Variants in ITPR1 observed in about 807,000 individuals in gnomAD.
ITPR1 encodes inositol 1,4,5-trisphosphate-gated calcium channel ITPR1.
In ITPR1, 96 loss-of-function variants were observed where a neutral mutation model predicts 318.4. The ratio of observed to expected loss-of-function variants is 0.30; its 90% CI spans 0.26 to 0.36. The LOEUF is 0.36. ITPR1 is among the 10% of genes least tolerant of loss of function. ITPR1 has a pLI of 1.00. For missense variants in ITPR1, 2,440 were observed against 3,460.2 expected (o/e 0.71, Z 7.40); for synonymous variants, 1,312 against 1,289.9 (o/e 1.02, Z -0.37).
intron 44 of ITPR1, among the ~76,000 whole-genome samples, chr3:4,748,124 C>A (rs1315683258): frequency 1.3e-5 from 2 of 152,230 alleles, no homozygotes; most frequent in African/African-American, 4.8e-5. Flanking sequence ...GATGAGGAAA[C>A]TGAGTCTGAA....
intron 51 of ITPR1, among the ~76,000 whole-genome samples, chr3:4,787,418 G>C (rs369834798): frequency 6.6e-6 from 1 of 150,700 alleles, no homozygotes; most frequent in East Asian, 1.9e-4. Context: ...AATTAGGTCA[G>C]GCACAGTGGC....
chr3:4,678,763 G>A (rs1026980507), intron 24 of ITPR1, among the ~76,000 whole-genome samples: 5 of 152,114 alleles, frequency 3.3e-5, no homozygotes, highest in African/African-American at 9.7e-5. Context: ...GGAGAAACAA[G>A]GGCCCGTTCT....
At chr3:4,556,444 A>G (rs966374786) in intron 4 of ITPR1, among the ~76,000 whole-genome samples, 1 of 152,036 alleles carries the variant, frequency 6.6e-6, no homozygotes, top group African/African-American at 2.4e-5. Flanking sequence ...CTGCCCTAAG[A>G]ATCTCTGTGC....
intron 13 of ITPR1, among the ~76,000 whole-genome samples, chr3:4,660,432 CT>C (rs200064524): frequency 0.027 from 3,884 of 145,656 alleles, 92 homozygotes; most frequent in African/African-American, 0.066. Context: ...TATGATGGTT[CT>C]TTTTTTTTTC....
chr3:4,746,439 A>G (rs2044115398), intron 44 of ITPR1, among the ~76,000 whole-genome samples: 1 of 152,182 alleles, frequency 6.6e-6, no homozygotes, highest in African/African-American at 2.4e-5. Context: ...ATGAACTCAG[A>G]TGCCTTTGCT....
At chr3:4,525,758 A>G (rs1423670214) in intron 4 of ITPR1, among the ~76,000 whole-genome samples, 1 of 152,232 alleles carries the variant, frequency 6.6e-6, no homozygotes, top group East Asian at 1.9e-4. Flanking sequence ...AGAGAAGGCA[A>G]ACATCAGATT....
At chr3:4,784,570 T>G (rs1044584841) in intron 51 of ITPR1, among the ~76,000 whole-genome samples, 14 of 145,396 alleles carry the variant, frequency 9.6e-5, no homozygotes, top group Non-Finnish European at 1.9e-4. Context: ...TTTTTTGTTT[T>G]TTTTTTTTTT....
chr3:4,508,091 A>G (rs1052284621), intron 2 of ITPR1, among the ~76,000 whole-genome samples: 7 of 152,180 alleles, frequency 4.6e-5, no homozygotes, highest in African/African-American at 1.2e-4. Context: ...GCAGGCAGGC[A>G]GGGGATCCAA....
intron 33 of ITPR1, among the ~76,000 whole-genome samples, chr3:4,694,429 A>G (rs1042505957): frequency 2.7e-5 from 3 of 109,478 alleles, no homozygotes; most frequent in Non-Finnish European, 6.4e-5. Context: ...AATATATGAC[A>G]TATATCATAT....
chr3:4,735,316 G>C lies in ITPR1; in HGVS notation c.5506G>C (p.Ala1836Pro). 1 of 1,613,886 alleles carries C rather than the reference G, an allele frequency of 6.2e-7. No homozygotes were observed. Among genetic ancestry groups the C allele is most frequent in the Non-Finnish European group, 8.5e-7 (1 of 1,179,852 alleles). The change falls in exon 44 of 62, where the codon GCC becomes CCC. Residue 1836 changes from alanine to proline, a missense_variant. Ala to Pro is a conservative substitution (Grantham distance 27). Around this residue, in one of 23 missense-constraint regions of ITPR1, gnomAD observed 80 missense variants for 122.0 expected, o/e 0.66. Transcript: ENST00000649015. ...AGTGTTCCATGAAAGCATTCTCCTG[G>C]CCATTGCCCTTCTGGAAGGAGGCAA... ...DRVFHESILL[A>P]IALLEGGNTT...
intron 46 of ITPR1, among the ~76,000 whole-genome samples, chr3:4,774,411 T>G (rs557400469): frequency 9.8e-5 from 15 of 152,356 alleles, no homozygotes; most frequent in African/African-American, 3.4e-4. Context: ...TCATGTCCAT[T>G]TAATCTTTTC....
Position 4,793,506 on chromosome 3 carries a change from C to T in ITPR1, c.6809-1559C>T, listed in dbSNP as rs140827060. Among the ~76,000 whole-genome samples the T allele has an allele frequency of 3.7e-3, 567 of 152,326 alleles. 12 individuals are homozygous for T. The South Asian group carries it at 0.056, about 15-fold the overall frequency. The stretch of plus-strand genomic sequence containing the variant: ...CTGTCCTCTTCTGGAGTTTACATAT[C>T]CAGATCGGAAATGGGCTTCAGTCCC... On this transcript the variant is annotated intron_variant, in intron 52 of 61. Coordinates refer to ENST00000649015, the MANE Select transcript of ITPR1 (RefSeq NM_001378452.1).
chr3:4,776,604 C>G (rs944907480), intron 47 of ITPR1, among the ~76,000 whole-genome samples: 1 of 152,196 alleles, frequency 6.6e-6, no homozygotes, highest in Admixed American at 6.5e-5. Context: ...GCACTTTCTT[C>G]TCCCGGTTCC....
At position 4,710,494 on chromosome 3, in the gene ITPR1, G is replaced by A. The variant is rs963874554; in HGVS notation, c.4991+21G>A. ...TGCAAGTAAGCGGCCTCTCTCTCTG[G>A]GGTGTTCATTTGCCAGAACCTTGAT... On this transcript the variant is annotated intron_variant, in intron 38 of 61. Coordinates refer to ENST00000649015, the MANE Select transcript of ITPR1 (RefSeq NM_001378452.1). The surrounding 1 kb of genome is among the most constrained non-coding windows in gnomAD (Gnocchi z 4.2). 4 of 1,549,680 alleles carry A rather than the reference G, an allele frequency of 2.6e-6. No homozygotes were observed. Among genetic ancestry groups the A allele is most frequent in the Non-Finnish European group, 3.5e-6 (4 of 1,145,434 alleles).
intron 5 of ITPR1, among the ~76,000 whole-genome samples, chr3:4,638,911 T>C (rs1004727897): frequency 2.0e-5 from 3 of 152,180 alleles, no homozygotes; most frequent in Non-Finnish European, 2.9e-5. Context: ...CTGATCCTTA[T>C]TTTACAAAGG....
chr3:4,554,098 T>A (rs1367757408), intron 4 of ITPR1, among the ~76,000 whole-genome samples: 1 of 152,242 alleles, frequency 6.6e-6, no homozygotes. Flanking sequence ...CTACACTAAA[T>A]GTATTATGTT....
intron 53 of ITPR1, among the ~76,000 whole-genome samples, chr3:4,796,471 C>T (rs143182703): frequency 0.015 from 2,227 of 152,232 alleles, 21 homozygotes; most frequent in Non-Finnish European, 0.02. Context: ...CAGCTGGCGG[C>T]GGCGGAGGAG....
chr3:4,685,597 A>G (rs1334287104), intron 30 of ITPR1, among the ~76,000 whole-genome samples: 3 of 152,262 alleles, frequency 2.0e-5, no homozygotes, highest in Non-Finnish European at 4.4e-5. Flanking sequence ...ATGTAGGAAC[A>G]TGGGATGTGC....
In ITPR1 at chr3:4,500,245, G is replaced by C. The variant is rs139671659; in HGVS notation, c.-17+5739G>C. Reference sequence around the variant, plus strand: ...GACAGAGTCTTACTCTGCTGCCCAGGCTGGAGTGCAGTGGCATGATTTCAG... The same window carrying C: ...GACAGAGTCTTACTCTGCTGCCCAGCCTGGAGTGCAGTGGCATGATTTCAG... On this transcript the variant is annotated intron_variant, in intron 2 of 61. Transcript: ENST00000649015. Among the ~76,000 whole-genome samples, 878 of 152,322 alleles carry C rather than the reference G, an allele frequency of 5.8e-3. 10 individuals carry two copies. The highest frequency in any genetic ancestry group is 8.2e-3 in the Non-Finnish European group (559 of 68,020).
Sources: gnomAD v4.1 joint callset for allele counts (sites outside exome capture counted in the v4.1 genomes callset) on GRCh38, gnomAD v4.1.1 for gene constraint, gnomAD v4.1.1 regional missense constraint, Gnocchi (gnomAD v3.1) non-coding constraint, MANE v1.5 for transcripts, NCBI Gene and HGNC (gene_info 2026-07-23, HGNC 2026-07-21) for gene names.